Variants in CELF4 observed in about 807,000 individuals in gnomAD.
CELF4 encodes the protein CUGBP Elav-like family member 4.
In CELF4, 18 loss-of-function variants were observed where a neutral mutation model predicts 59.9. The ratio of observed to expected loss-of-function variants is 0.30; its 90% CI spans 0.21 to 0.45. CELF4 has a LOEUF of 0.45. CELF4 is among the 20% of genes least tolerant of loss of function. The pLI, the probability that CELF4 is intolerant of heterozygous loss-of-function variation, is 1.00. For synonymous variants in CELF4, 261 were observed against 267.1 expected, an observed-to-expected ratio of 0.98 and a Z score of 0.22; for missense variants, 456 against 689.0, an observed-to-expected ratio of 0.66 and a Z score of 3.79.
At position 37,245,499 on chromosome 18, in the gene CELF4, C is replaced by G. The variant is rs1444992747; in HGVS notation, c.*45-302G>C. ...CATTCTGGATTGGGGGTAGCTACAT[C>G]TAAGGGGAGAATTTGGGACTGCGGG... On this transcript the variant is annotated intron_variant, in intron 12 of 12. Coordinates refer to ENST00000420428, the MANE Select transcript of CELF4 (RefSeq NM_020180.4). The surrounding 1 kb of genome is among the most constrained non-coding windows in gnomAD (Gnocchi z 4.1). Among the ~76,000 whole-genome samples the G allele has an allele frequency of 6.6e-6, 1 of 152,024 alleles. No individual in the cohort carries two copies. Among genetic ancestry groups the G allele is most frequent in the African/African-American group, 2.4e-5 (1 of 41,392 alleles).
At chr18:37,437,205 A>C (rs4799922) in intron 2 of CELF4, among the ~76,000 whole-genome samples, 3 of 151,934 alleles carry the variant, frequency 2.0e-5, no homozygotes, top group African/African-American at 7.3e-5. Flanking sequence ...GCCCCACCCC[A>C]TGCCCAAGAA....
intron 2 of CELF4, among the ~76,000 whole-genome samples, chr18:37,351,616 T>C (rs955631491): frequency 3.2e-4 from 46 of 145,242 alleles, no homozygotes; most frequent in Non-Finnish European, 4.1e-4. Context: ...TTCTTCTTTT[T>C]TTTTTTTTTT....
chr18:37,402,676 AG>A (rs1350528535), intron 2 of CELF4, among the ~76,000 whole-genome samples: 1 of 152,216 alleles, frequency 6.6e-6, no homozygotes, highest in Non-Finnish European at 1.5e-5. Flanking sequence ...AGTAAGTAAA[AG>A]TTCAAGCCAA....
chr18:37,259,076 C>A, intron 11 of CELF4, 105 bp downstream of exon 11: 1 of 1,570,162 alleles, frequency 6.4e-7, no homozygotes, highest in Non-Finnish European at 8.6e-7. Context: ...GTGCGAGCAC[C>A]GCCCTGTCCT....
At chr18:37,336,450 G>A (rs944941889) in intron 2 of CELF4, among the ~76,000 whole-genome samples, 3 of 152,192 alleles carry the variant, frequency 2.0e-5, no homozygotes, top group African/African-American at 7.2e-5. Flanking sequence ...TCCCAAAGCT[G>A]AGATCACATG....
At chr18:37,425,865 C>G (rs1417202930) in intron 2 of CELF4, among the ~76,000 whole-genome samples, 1 of 152,232 alleles carries the variant, frequency 6.6e-6, no homozygotes, top group Admixed American at 6.5e-5. Context: ...ACCTTTGGTC[C>G]CCAAGAGAGT....
chr18:37,307,571 G>A (rs1203651597), intron 3 of CELF4, among the ~76,000 whole-genome samples: 4 of 152,012 alleles, frequency 2.6e-5, no homozygotes, highest in East Asian at 1.9e-4. Flanking sequence ...CAGTGGCATC[G>A]GCCCCACTGC....
chr18:37,397,496 A>T (rs1299503261), intron 2 of CELF4, among the ~76,000 whole-genome samples: 4 of 152,258 alleles, frequency 2.6e-5, no homozygotes, highest in Admixed American at 1.3e-4. Flanking sequence ...TCATCTGCAG[A>T]TTGAAGGGAT....
At chr18:37,395,545 C>T (rs1214620527) in intron 2 of CELF4, among the ~76,000 whole-genome samples, 2 of 152,250 alleles carry the variant, frequency 1.3e-5, no homozygotes, top group Admixed American at 1.3e-4. Flanking sequence ...ATCAGTAGTT[C>T]TCTCTGGGAT....
intron 2 of CELF4, among the ~76,000 whole-genome samples, chr18:37,348,375 T>A (rs1435727794): frequency 6.6e-6 from 1 of 152,124 alleles, no homozygotes; most frequent in East Asian, 1.9e-4. Context: ...CTTCCTTTTT[T>A]GCCCACTGAA....
At chr18:37,368,613 GTGT>G (rs2098818715) in intron 2 of CELF4, among the ~76,000 whole-genome samples, 1 of 152,182 alleles carries the variant, frequency 6.6e-6, no homozygotes, top group African/African-American at 2.4e-5. Context: ...CTCCTTCTCT[GTGT>G]TGGCAGTGAG....
chr18:37,512,730 C>T (rs772491822), intron 1 of CELF4, among the ~76,000 whole-genome samples: 25 of 151,244 alleles, frequency 1.7e-4, no homozygotes, highest in Non-Finnish European at 2.8e-4. Context: ...CTCCTCCTCC[C>T]CTTTCTCCTT....
chr18:37,549,621 A>T lies in CELF4; in HGVS notation c.286+15735T>A, dbSNP rs528679615. On this transcript the variant is annotated intron_variant, in intron 1 of 12. Transcript: ENST00000420428. ...CCTTTTTCATTTTTCTTTATAAAAA[A>T]GGTATCAACTGTACCTGGTTGCAAT... 3.2e-4 allele frequency among the ~76,000 whole-genome samples: 49 copies of T among 152,316 alleles called. No homozygotes were observed. The South Asian group carries it at 4.8e-3, about 15-fold the overall frequency.
chr18:37,253,696 C>G lies in CELF4; in HGVS notation c.*44+71G>C. 1 of 1,232,322 alleles carries G rather than the reference C, an allele frequency of 8.1e-7. No homozygotes were observed. Among genetic ancestry groups the G allele is most frequent in the Non-Finnish European group, 1.1e-6 (1 of 916,792 alleles). 76.3% of individuals were successfully genotyped at this position (1,232,322 alleles called of 1,614,324 possible). ...CCAGTGAGGGTCCGGCCCACGGAGGCCGGAGGAGGCGGCGGGTCCGTCTGG... is the reference window on the plus strand; with the variant it reads ...CCAGTGAGGGTCCGGCCCACGGAGGGCGGAGGAGGCGGCGGGTCCGTCTGG... On this transcript the variant is annotated intron_variant, in intron 12 of 12. Transcript: ENST00000420428. The surrounding 1 kb of genome is among the most constrained non-coding windows in gnomAD (Gnocchi z 4.5).
chr18:37,364,854 T>C (rs993287968), intron 2 of CELF4, among the ~76,000 whole-genome samples: 2 of 152,076 alleles, frequency 1.3e-5, no homozygotes, highest in Admixed American at 1.3e-4. Flanking sequence ...CTCTGTAGAC[T>C]GGAAGGAGGG....
At chr18:37,438,246 A>G (rs935749377) in intron 2 of CELF4, among the ~76,000 whole-genome samples, 1 of 152,170 alleles carries the variant, frequency 6.6e-6, no homozygotes, top group Admixed American at 6.5e-5. Context: ...CAAGTGATTG[A>G]CTGTCAGTGA....
chr18:37,331,627 G>T (rs979260726), intron 2 of CELF4, among the ~76,000 whole-genome samples: 1 of 151,886 alleles, frequency 6.6e-6, no homozygotes, highest in Admixed American at 6.6e-5. Flanking sequence ...GTGAGAGAGG[G>T]TTTTCAAGTC....
chr18:37,450,521 C>T (rs1010262505), intron 2 of CELF4, among the ~76,000 whole-genome samples: 20 of 151,934 alleles, frequency 1.3e-4, no homozygotes, highest in African/African-American at 4.8e-4. Flanking sequence ...GGTTTTTTCC[C>T]TTGCTCCTTA....
intron 2 of CELF4, among the ~76,000 whole-genome samples, chr18:37,442,331 A>C (rs1036398169): frequency 1.1e-4 from 17 of 152,234 alleles, no homozygotes; most frequent in Non-Finnish European, 2.4e-4. Flanking sequence ...ATCCACACTC[A>C]ATACGCACCA....
Sources: allele counts gnomAD v4.1 joint callset (sites outside exome capture counted in the v4.1 genomes callset), GRCh38; gene constraint gnomAD v4.1.1; non-coding constraint Gnocchi (gnomAD v3.1); transcripts MANE v1.5; gene names NCBI Gene and HGNC (gene_info 2026-07-23, HGNC 2026-07-21).